The following GPHN variants were observed in gnomAD, a reference collection of about 807,000 sequenced individuals.
The protein encoded by GPHN is gephyrin.
Under a neutral mutation model 95.5 loss-of-function variants are expected in GPHN, and 17 were observed. The observed-to-expected ratio is 0.18, with a 90% CI of 0.12 to 0.27. GPHN has a LOEUF of 0.27. GPHN is among the 10% of genes least tolerant of loss of function. The probability of loss-of-function intolerance (pLI) is 1.00; values close to 1 mark genes in which losing one functional copy is unlikely to be tolerated. For synonymous variants in GPHN, 320 were observed against 322.5 expected, an observed-to-expected ratio of 0.99 and a Z score of 0.08; for missense variants, 660 against 978.1, an observed-to-expected ratio of 0.67 and a Z score of 4.34.
At chr14:66,771,544 G>A (rs10149085) in intron 2 of GPHN, among the ~76,000 whole-genome samples, 46,561 of 152,004 alleles carry the variant, frequency 0.31, 11,745 homozygotes, top group African/African-American at 0.67. Context: ...TGTGGATGCT[G>A]GACTTACGGC....
At chr14:66,892,386 G>A (rs1333979450) in intron 5 of GPHN, among the ~76,000 whole-genome samples, 3 of 152,166 alleles carry the variant, frequency 2.0e-5, no homozygotes, top group Non-Finnish European at 4.4e-5. Flanking sequence ...TCATGCCACT[G>A]CATTCCAGTC....
chr14:66,751,763 T>C (rs1041247315), intron 2 of GPHN, among the ~76,000 whole-genome samples: 1 of 152,104 alleles, frequency 6.6e-6, no homozygotes, highest in African/African-American at 2.4e-5. Context: ...TCAATGAGCA[T>C]TGGCTTCAAC....
the GPHN span, among the ~76,000 whole-genome samples, chr14:67,702,810 T>C: frequency 0.093 from 14,080 of 152,132 alleles, 673 homozygotes; most frequent in Middle Eastern, 0.19. Context: ...ATCTTATACC[T>C]TTATTTTTTG....
chr14:67,142,390 C>CA (rs2080521242), intron 17 of GPHN, among the ~76,000 whole-genome samples: 2 of 152,156 alleles, frequency 1.3e-5, no homozygotes. Context: ...TGTTTATTCT[C>CA]ACTTGATCAG....
At chr14:66,982,021 T>TCAC (rs1366854894) in intron 9 of GPHN, among the ~76,000 whole-genome samples, 1 of 152,192 alleles carries the variant, frequency 6.6e-6, no homozygotes, top group African/African-American at 2.4e-5. Flanking sequence ...TATGAATGTA[T>TCAC]ATACCCAGTG....
In GPHN at chr14:67,022,651, T is replaced by A. The variant is rs568122309; in HGVS notation, c.964-982T>A. On this transcript the variant is annotated intron_variant, in intron 9 of 22. Transcript: ENST00000478722. ...TTGTGACTTTTTTATTGCCGTTTTT[T>A]TAAACATTAACAATTGTTTTTTTCA... is the stretch of plus-strand genomic sequence containing the variant. Among the ~76,000 whole-genome samples the A allele has an allele frequency of 2.4e-4, 36 of 149,520 alleles. No homozygotes were observed. In the East Asian group the frequency reaches 6.9e-3, roughly 28 times the overall value.
chr14:67,315,683 T>C, the GPHN span, among the ~76,000 whole-genome samples: 1 of 152,140 alleles, frequency 6.6e-6, no homozygotes, highest in African/African-American at 2.4e-5. Context: ...CCTGGCACTT[T>C]GGGAGGCCAA....
intron 1 of GPHN, among the ~76,000 whole-genome samples, chr14:66,573,645 C>T (rs1223398223): frequency 1.3e-5 from 2 of 151,958 alleles, no homozygotes; most frequent in Non-Finnish European, 1.5e-5. Flanking sequence ...TTGGTAGAGA[C>T]GGGGTTTCAC....
chr14:67,181,059 T>C lies in GPHN; in HGVS notation c.*122T>C. 1 of 812,718 alleles carries C rather than the reference T, an allele frequency of 1.2e-6. No individual in the cohort carries two copies. Among genetic ancestry groups the C allele is most frequent in the Non-Finnish European group, 2.1e-6 (1 of 484,824 alleles). The allele number at this position is 812,718 out of a possible 1,614,324, so 50.3% of individuals were successfully genotyped here. A position where few individuals can be genotyped will look rare whatever the true frequency, so the allele number is the denominator to read the frequency against. ...AAAGTTGATCTGTATAGTCAACATCTTGAACTATATTTCAAATGAATTTAA... is the reference window on the plus strand; with the variant it reads ...AAAGTTGATCTGTATAGTCAACATCCTGAACTATATTTCAAATGAATTTAA... On this transcript the variant is annotated 3_prime_UTR_variant, in exon 23 of 23. Coordinates refer to ENST00000478722, the MANE Select transcript of GPHN (RefSeq NM_020806.5).
chr14:67,174,227 C>T (rs1357658996), intron 21 of GPHN, among the ~76,000 whole-genome samples: 1 of 150,302 alleles, frequency 6.7e-6, no homozygotes, highest in East Asian at 2.0e-4. Flanking sequence ...CCCCCAGCCC[C>T]CCACCCCACA....
chr14:67,096,187 C>T (rs1555489282), intron 12 of GPHN, among the ~76,000 whole-genome samples: 1 of 152,056 alleles, frequency 6.6e-6, no homozygotes, highest in Non-Finnish European at 1.5e-5. Flanking sequence ...ACACATTTAC[C>T]AACTGGAAAG....
the GPHN span, chr14:67,312,564 A>T: frequency 5.6e-6 from 9 of 1,607,606 alleles, 1 homozygote; most frequent in South Asian, 1.0e-4. Context: ...GACCCCTCAG[A>T]TGACCCTTAT....
At chr14:67,674,301 A>C in the GPHN span, 2 of 1,364,728 alleles carry the variant, frequency 1.5e-6, no homozygotes, top group Non-Finnish European at 2.0e-6. Flanking sequence ...CGGGTCTGGG[A>C]GGAAGGTGGG....
the GPHN span, chr14:67,726,941 T>G: frequency 6.3e-7 from 1 of 1,581,956 alleles, no homozygotes; most frequent in Non-Finnish European, 8.7e-7. Flanking sequence ...GCCTGGGCTG[T>G]CATTCCACTT....
At chr14:66,588,814 A>T (rs2061524309) in intron 1 of GPHN, among the ~76,000 whole-genome samples, 1 of 152,184 alleles carries the variant, frequency 6.6e-6, no homozygotes, top group South Asian at 2.1e-4. Flanking sequence ...ACTCTTCAGG[A>T]TATTATCCAG....
intron 9 of GPHN, among the ~76,000 whole-genome samples, chr14:66,999,094 G>A (rs2072035266): frequency 6.6e-6 from 1 of 151,822 alleles, no homozygotes; most frequent in Non-Finnish European, 1.5e-5. Context: ...CAAGTGAGTG[G>A]CAGAAAATTG....
At chr14:67,514,769 C>G in the GPHN span, among the ~76,000 whole-genome samples, 5 of 152,130 alleles carry the variant, frequency 3.3e-5, no homozygotes, top group African/African-American at 1.2e-4. Flanking sequence ...CCCTGACACC[C>G]CTTTGTTTCA....
At chr14:67,541,524 T>C in the GPHN span, among the ~76,000 whole-genome samples, 1 of 152,262 alleles carries the variant, frequency 6.6e-6, no homozygotes, top group African/African-American at 2.4e-5. Context: ...GTTGTGTGAA[T>C]AATGGATAAT....
rs144104566 is a variant in GPHN at position 66,691,444 on chromosome 14, A to C, written c.143+10259A>C. ...GTGATTCACCTGCCTTGGCCTCCCA[A>C]AGTGCTGGGATTACAGGTGTGAGCC... On this transcript the variant is annotated intron_variant, in intron 2 of 22. Coordinates refer to ENST00000478722, the MANE Select transcript of GPHN (RefSeq NM_020806.5). 3.0e-3 allele frequency among the ~76,000 whole-genome samples: 456 copies of C among 152,036 alleles called. 3 individuals are homozygous for C. Among genetic ancestry groups the C allele is most frequent in the African/African-American group, 0.011 (438 of 41,486 alleles).
Sources: allele counts gnomAD v4.1 joint callset (sites outside exome capture counted in the v4.1 genomes callset), GRCh38; gene constraint gnomAD v4.1.1; transcripts MANE v1.5; gene names NCBI Gene and HGNC (gene_info 2026-07-23, HGNC 2026-07-21).